ZC2HC1B: variants seen among roughly 807,000 people sequenced by gnomAD.
ZC2HC1B encodes zinc finger C2HC-type containing 1B.
In ZC2HC1B, 36 loss-of-function variants were observed where a neutral mutation model predicts 31.0. The ratio of observed to expected loss-of-function variants is 1.16; its 90% CI spans 0.89 to 1.54. The LOEUF (loss-of-function observed/expected upper bound fraction) is 1.54. Among genes scored for constraint, ZC2HC1B ranks in the 40% most tolerant of loss-of-function variants. The pLI is 0.00. For missense variants in ZC2HC1B, 260 were observed against 268.6 expected (o/e 0.97, Z 0.22); for synonymous variants, 73 against 88.0 (o/e 0.83, Z 0.95).
intron 1 of ZC2HC1B, among the ~76,000 whole-genome samples, chr6:143,875,654 G>A (rs902602551): frequency 6.6e-6 from 1 of 150,418 alleles, no homozygotes; most frequent in Admixed American, 6.6e-5. Context: ...CGAGTGTATC[G>A]CACCTCCTCA....
In ZC2HC1B at chr6:143,898,644, GT is replaced by G; in HGVS notation, c.443del (p.Val148AlafsTer54). ...NFCKDQSSRRVFNPAQTAAKL... is the reference protein window; with the variant it reads ...NFCKDQSSRRXFNPAQTAAKL... ...CTGCAAGGATCAGTCTTCTCGCCGA[GT>G]CTTTAATCCAGCTCAGACAGCAGCC... On this transcript the variant is annotated frameshift_variant, in exon 5 of 8. Coordinates refer to ENST00000237275, the MANE Select transcript of ZC2HC1B (RefSeq NM_001013623.3). LOFTEE classifies it high-confidence loss of function. 2 of 1,552,062 alleles carry G rather than the reference GT, an allele frequency of 1.3e-6. No homozygotes were observed. Among genetic ancestry groups the G allele is most frequent in the Non-Finnish European group, 1.7e-6 (2 of 1,147,068 alleles).
intron 5 of ZC2HC1B, among the ~76,000 whole-genome samples, chr6:143,901,362 C>T (rs548743988): frequency 7.0e-6 from 1 of 143,316 alleles, no homozygotes; most frequent in African/African-American, 2.7e-5. Flanking sequence ...CGGGTTCAAG[C>T]GATTCTTGTG....
chr6:143,937,107 T>C (rs6570592), intron 6 of ZC2HC1B, among the ~76,000 whole-genome samples: 77,554 of 151,890 alleles, frequency 0.51, 20,465 homozygotes, highest in African/African-American at 0.65. Context: ...AACTAAGCCA[T>C]GGTGTGGTGT....
chr6:143,935,178 G>A (rs1778162148), intron 6 of ZC2HC1B, among the ~76,000 whole-genome samples: 1 of 152,038 alleles, frequency 6.6e-6, no homozygotes, highest in Non-Finnish European at 1.5e-5. Flanking sequence ...GATGTATGCA[G>A]GTACCAATAG....
In ZC2HC1B at chr6:143,887,979, AAATT is replaced by A. The variant is rs1255008475; in HGVS notation, c.349+1162_349+1165del. Among the ~76,000 whole-genome samples, 7 of 152,076 alleles carry A rather than the reference AAATT, an allele frequency of 4.6e-5. No homozygotes were observed. The highest frequency in any genetic ancestry group is 1.0e-4 in the Non-Finnish European group (7 of 67,986). On this transcript the variant is annotated intron_variant, in intron 4 of 7. Coordinates refer to ENST00000237275, the MANE Select transcript of ZC2HC1B (RefSeq NM_001013623.3). This position sits in a 1 kb window ranked among gnomAD's most constrained non-coding sequence, Gnocchi z 5.1. Reference sequence around the variant, plus strand: ...CCTGTGCTTTTGATGTCATATCCAGAAATTAATCACCAAACCTACATCATGAAAC... The same window carrying A: ...CCTGTGCTTTTGATGTCATATCCAGAAATCACCAAACCTACATCATGAAAC...
At chr6:143,878,591 C>A (rs966801799) in intron 1 of ZC2HC1B, among the ~76,000 whole-genome samples, 1 of 150,660 alleles carries the variant, frequency 6.6e-6, no homozygotes, top group Admixed American at 6.6e-5. Flanking sequence ...ATTAGGTAAA[C>A]ATTCAGTCAT....
At chr6:143,925,163 TC>T (rs1778019762) in intron 6 of ZC2HC1B, among the ~76,000 whole-genome samples, 2 of 135,102 alleles carry the variant, frequency 1.5e-5, no homozygotes, top group Non-Finnish European at 3.1e-5. Context: ...TCAATCTCAT[TC>T]CTTTTTTTTT....
rs185685913 is a variant in ZC2HC1B, at chr6:143,879,749, C to G, written c.29-4555C>G. On this transcript the variant is annotated intron_variant, in intron 1 of 7. Coordinates refer to ENST00000237275, the MANE Select transcript of ZC2HC1B (RefSeq NM_001013623.3). ...AAAACTTTTTCAATTTTAATCTAAC[C>G]CTAATTCTCTCCATGCTTCTTTGTA... Among the ~76,000 whole-genome samples, 210 of 150,716 alleles carry G rather than the reference C, an allele frequency of 1.4e-3. 4 individuals carry two copies. Among genetic ancestry groups the G allele is most frequent in the African/African-American group, 4.9e-3 (202 of 41,180 alleles).
chr6:143,864,605 C>G (rs903914273), intron 1 of ZC2HC1B, 38 bp downstream of exon 1: 18 of 1,549,634 alleles, frequency 1.2e-5, no homozygotes, highest in African/African-American at 4.1e-5. Context: ...TAGAAAATGC[C>G]TTCATCTGTA....
intron 6 of ZC2HC1B, among the ~76,000 whole-genome samples, chr6:143,910,654 G>A (rs1449500599): frequency 1.3e-5 from 2 of 152,148 alleles, no homozygotes; most frequent in Admixed American, 6.5e-5. Context: ...CTCCTGTATT[G>A]GGTGCATATA....
At chr6:143,912,705 G>A (rs760356243) in intron 6 of ZC2HC1B, among the ~76,000 whole-genome samples, 15 of 152,200 alleles carry the variant, frequency 9.9e-5, no homozygotes, top group Non-Finnish European at 2.2e-4. Flanking sequence ...CCTGTTGGGG[G>A]GTCTTACCCA....
In ZC2HC1B at chr6:143,884,515, G is replaced by C. The variant is rs1777507755; in HGVS notation, c.90+150G>C. The C allele has an allele frequency of 3.3e-6, 2 of 610,868 alleles. No homozygotes were observed. The highest frequency in any genetic ancestry group is 5.2e-6 in the Non-Finnish European group (2 of 381,808). The allele number at this position is 610,868 out of a possible 1,614,324, so 37.8% of individuals were successfully genotyped here. A position where few individuals can be genotyped will look rare whatever the true frequency, so the allele number is the denominator to read the frequency against. The stretch of plus-strand genomic sequence containing the variant: ...ACATAACCTATGGCTGGTGGGCCCA[G>C]AGAACACTGAGGCAGATTGATGCTG... On this transcript the variant is annotated intron_variant, in intron 2 of 7. Coordinates refer to ENST00000237275, the MANE Select transcript of ZC2HC1B (RefSeq NM_001013623.3). The surrounding 1 kb of genome is among the most constrained non-coding windows in gnomAD (Gnocchi z 5.1).
chr6:143,937,570 G>T, intron 6 of ZC2HC1B, 79 bp from the exon 7 acceptor site: 5 of 1,280,808 alleles, frequency 3.9e-6, no homozygotes, highest in African/African-American at 1.5e-5. Context: ...GAACCCATGT[G>T]GGGATTTCAC....
chr6:143,874,927 G>A (rs9484820), intron 1 of ZC2HC1B, among the ~76,000 whole-genome samples: 10,736 of 152,184 alleles, frequency 0.071, 512 homozygotes, highest in African/African-American at 0.14. Flanking sequence ...CCACCTCCCA[G>A]GTTCAAAGGA....
chr6:143,888,091 A>G (rs1451659678), intron 4 of ZC2HC1B, among the ~76,000 whole-genome samples: 3 of 152,116 alleles, frequency 2.0e-5, no homozygotes, highest in Admixed American at 6.6e-5. Context: ...TGTGTGTAAT[A>G]TAAGTTTCCA....
chr6:143,907,013 T>C (rs1415942699), intron 6 of ZC2HC1B, among the ~76,000 whole-genome samples: 1 of 152,146 alleles, frequency 6.6e-6, no homozygotes, highest in Non-Finnish European at 1.5e-5. Context: ...CTCCCACTTA[T>C]AAGTGAGAAC....
In ZC2HC1B at chr6:143,886,213, C is replaced by A; in HGVS notation, c.210+62C>A. ...TTCTGCGGTACTGTAAGGCCTATTTCTGGGATTTCTGGTTTCATTTTTGCT... is the reference window on the plus strand; with the variant it reads ...TTCTGCGGTACTGTAAGGCCTATTTATGGGATTTCTGGTTTCATTTTTGCT... On this transcript the variant is annotated intron_variant, in intron 3 of 7. Coordinates refer to ENST00000237275, the MANE Select transcript of ZC2HC1B (RefSeq NM_001013623.3). The surrounding 1 kb of genome is among the most constrained non-coding windows in gnomAD (Gnocchi z 4.2). 1.5e-6 allele frequency: 2 copies of A among 1,370,302 alleles called. No homozygotes were observed. The highest frequency in any genetic ancestry group is 4.0e-5 in the South Asian group (2 of 49,828). The allele number at this position is 1,370,302 out of a possible 1,614,324, so 84.9% of individuals were successfully genotyped here.
At chr6:143,882,334 TTATATATATATATATATA>T (rs59777839) in intron 1 of ZC2HC1B, among the ~76,000 whole-genome samples, 36 of 85,534 alleles carry the variant, frequency 4.2e-4, no homozygotes, top group African/African-American at 2.0e-3. Context: ...TTTATATTTT[TTATATATATATATATATA>T]TATATATATA....
At chr6:143,909,530 C>CTT (rs573480397) in intron 6 of ZC2HC1B, among the ~76,000 whole-genome samples, 24 of 127,206 alleles carry the variant, frequency 1.9e-4, no homozygotes, top group Non-Finnish European at 2.5e-4. Context: ...TGGTCCTGGG[C>CTT]TTTTTTTTTT....
Sources: allele counts gnomAD v4.1 joint callset (sites outside exome capture counted in the v4.1 genomes callset), GRCh38; gene constraint gnomAD v4.1.1; non-coding constraint Gnocchi (gnomAD v3.1); transcripts MANE v1.5; gene names NCBI Gene and HGNC (gene_info 2026-07-23, HGNC 2026-07-21).